ELMO1: variants seen among roughly 807,000 people sequenced by gnomAD.
ELMO1 encodes engulfment and cell motility 1.
A neutral mutation model predicts 98.9 loss-of-function variants in ELMO1; 26 were observed. That is an observed-to-expected ratio of 0.26 (90% confidence interval 0.19 to 0.36). The LOEUF is 0.36. ELMO1 is among the 10% of genes least tolerant of loss of function. ELMO1 has a pLI of 1.00. For missense variants in ELMO1, 627 were observed against 935.2 expected, an observed-to-expected ratio of 0.67 and a Z score of 4.30; for synonymous variants, 346 against 346.0, an observed-to-expected ratio of 1.00 and a Z score of 0.00.
At chr7:37,024,916 A>G (rs1794483991) in intron 15 of ELMO1, among the ~76,000 whole-genome samples, 1 of 152,210 alleles carries the variant, frequency 6.6e-6, no homozygotes, top group African/African-American at 2.4e-5. Flanking sequence ...ATAGAGCAGC[A>G]TTCCCAAGGT....
intron 15 of ELMO1, among the ~76,000 whole-genome samples, chr7:37,088,171 A>G (rs1226132256): frequency 6.6e-6 from 1 of 152,212 alleles, no homozygotes; most frequent in Non-Finnish European, 1.5e-5. Flanking sequence ...GTAAAAAGGA[A>G]TAAGTCCTTA....
Position 37,211,458 on chromosome 7 carries a change from A to G in ELMO1, c.1014T>C (p.Pro338=), listed in dbSNP as rs1792966651. 6.2e-7 allele frequency: 1 copy of G among 1,614,080 alleles called. No homozygotes were observed. ...RRIAFDAESE[P]NNSSGSMEKR... ...TCTCCATGCTGCCACTGCTGTTGTT[A>G]GGTTCAGACTCAGCATCAAAAGCAA... The change falls in exon 13 of 22, where the codon CCT becomes CCC. Residue 338 remains proline, a synonymous_variant. Transcript: ENST00000310758.
At position 37,233,209 on chromosome 7, in the gene ELMO1, G is replaced by A; in HGVS notation, c.450-15C>T. The stretch of plus-strand genomic sequence containing the variant: ...TGTCTCCAAAGCTGAAAAAGACAGA[G>A]AGGCACAAGAGTCAAGAGCCCCAAA... On this transcript the variant is annotated splice_polypyrimidine_tract_variant and intron_variant, in intron 7 of 21. Transcript: ENST00000310758. 6.2e-7 allele frequency: 1 copy of A among 1,605,724 alleles called. No homozygotes were observed. The highest frequency in any genetic ancestry group is 8.5e-7 in the Non-Finnish European group (1 of 1,176,888).
At chr7:37,043,746 G>A (rs141825104) in intron 15 of ELMO1, among the ~76,000 whole-genome samples, 1 of 152,126 alleles carries the variant, frequency 6.6e-6, no homozygotes, top group African/African-American at 2.4e-5. Flanking sequence ...GGAGACCAAC[G>A]AGAGTTTGGA....
At chr7:37,211,554 A>T in intron 12 of ELMO1, 37 bp from the exon 13 acceptor site, 1 of 1,606,458 alleles carries the variant, frequency 6.2e-7, no homozygotes, top group Non-Finnish European at 8.5e-7. Context: ...AAGGGAGGGG[A>T]AAAAGCTGCT....
intron 14 of ELMO1, among the ~76,000 whole-genome samples, chr7:37,113,647 C>A (rs73692604): frequency 1.1e-4 from 16 of 152,290 alleles, no homozygotes; most frequent in Non-Finnish European, 2.2e-4. Context: ...GACGGAATTG[C>A]ACCCTTCCAA....
intron 16 of ELMO1, among the ~76,000 whole-genome samples, chr7:37,009,452 A>C (rs1793392355): frequency 6.6e-6 from 1 of 152,242 alleles, no homozygotes; most frequent in Non-Finnish European, 1.5e-5. Context: ...AGCCCGGAAG[A>C]GCAGACGACA....
chr7:37,276,553 G>A (rs1796845851), intron 4 of ELMO1, among the ~76,000 whole-genome samples: 1 of 152,244 alleles, frequency 6.6e-6, no homozygotes, highest in South Asian at 2.1e-4. Context: ...GGAGCTTGCA[G>A]TGAGCCGAGA....
intron 13 of ELMO1, among the ~76,000 whole-genome samples, chr7:37,191,967 G>T (rs1791613748): frequency 6.6e-6 from 1 of 152,190 alleles, no homozygotes; most frequent in Non-Finnish European, 1.5e-5. Flanking sequence ...GTTTATCCAG[G>T]TGTACTGAGG....
intron 16 of ELMO1, among the ~76,000 whole-genome samples, chr7:36,900,162 G>A (rs1204149208): frequency 1.3e-5 from 2 of 152,128 alleles, no homozygotes; most frequent in Admixed American, 6.5e-5. Context: ...TTTAATGCAT[G>A]CTCAAGTATG....
chr7:37,056,272 GTTTCT>G (rs1796387326), intron 15 of ELMO1, among the ~76,000 whole-genome samples: 1 of 152,360 alleles, frequency 6.6e-6, no homozygotes, highest in African/African-American at 2.4e-5. Flanking sequence ...AACAGTTGCA[GTTTCT>G]TTTAAGTGAC....
intron 13 of ELMO1, among the ~76,000 whole-genome samples, chr7:37,157,474 G>C (rs1788865543): frequency 6.6e-6 from 1 of 152,086 alleles, no homozygotes; most frequent in African/African-American, 2.4e-5. Context: ...CAAAGTCTCA[G>C]GATACAAAAT....
chr7:37,275,918 T>A (rs994216829), intron 4 of ELMO1, among the ~76,000 whole-genome samples: 2 of 152,238 alleles, frequency 1.3e-5, no homozygotes, highest in Non-Finnish European at 2.9e-5. Flanking sequence ...CATATGCTGA[T>A]GACACCTTTG....
chr7:37,275,817 C>G (rs1041409182), intron 4 of ELMO1, among the ~76,000 whole-genome samples: 19 of 152,306 alleles, frequency 1.2e-4, no homozygotes, highest in African/African-American at 4.3e-4. Flanking sequence ...GACAGAAAGG[C>G]AGAGCAAACT....
chr7:36,873,112 C>T (rs1377470472), intron 19 of ELMO1, among the ~76,000 whole-genome samples: 3 of 152,140 alleles, frequency 2.0e-5, no homozygotes, highest in African/African-American at 4.8e-5. Flanking sequence ...AGACCAGCTG[C>T]TACATCATTC....
intron 16 of ELMO1, among the ~76,000 whole-genome samples, chr7:36,959,750 G>A (rs1322099984): frequency 3.9e-5 from 6 of 152,072 alleles, no homozygotes; most frequent in Admixed American, 6.5e-5. Flanking sequence ...GCGTGATCTC[G>A]GCTCACTGCA....
intron 13 of ELMO1, among the ~76,000 whole-genome samples, chr7:37,193,008 T>TATATATAC (rs1184401217): frequency 2.4e-5 from 3 of 125,094 alleles, no homozygotes; most frequent in African/African-American, 9.7e-5. Context: ...TATATATATA[T>TATATATAC]ACACACACAC....
intron 20 of ELMO1, among the ~76,000 whole-genome samples, chr7:36,864,361 C>T (rs1802863706): frequency 6.6e-6 from 1 of 152,116 alleles, no homozygotes; most frequent in African/African-American, 2.4e-5. Flanking sequence ...ACTGTCATGA[C>T]CTAGATTCCT....
chr7:37,133,044 C>A, intron 14 of ELMO1, 86 bp downstream of exon 14: 1 of 946,868 alleles, frequency 1.1e-6, no homozygotes, highest in Non-Finnish European at 1.5e-6. Flanking sequence ...GGTCACTCAT[C>A]TAAAGGTAAT....
Sources: allele counts gnomAD v4.1 joint callset (sites outside exome capture counted in the v4.1 genomes callset), GRCh38; gene constraint gnomAD v4.1.1; transcripts MANE v1.5; gene names NCBI Gene and HGNC (gene_info 2026-07-23, HGNC 2026-07-21).